Variants in CDC14B observed in about 807,000 individuals in gnomAD.
The protein encoded by CDC14B is cell division cycle 14B, also known as dual specificity protein phosphatase CDC14B.
CDC14B carries 22 observed loss-of-function variants against 64.2 expected under a neutral mutation model. The observed-to-expected ratio is 0.34, with a 90% CI of 0.24 to 0.49. The LOEUF is 0.49. Ranked by LOEUF, CDC14B falls within the 20% of genes least tolerant of loss-of-function variation. The probability of loss-of-function intolerance (pLI) is 0.99; values close to 1 mark genes in which losing one functional copy is unlikely to be tolerated. For missense variants in CDC14B, 498 were observed against 629.9 expected, an observed-to-expected ratio of 0.79 and a Z score of 2.24; for synonymous variants, 191 against 215.8, an observed-to-expected ratio of 0.89 and a Z score of 1.01.
chr9:96,580,742 T>C (rs996256089), intron 1 of CDC14B, among the ~76,000 whole-genome samples: 3 of 152,122 alleles, frequency 2.0e-5, no homozygotes, highest in Non-Finnish European at 2.9e-5. Flanking sequence ...ATGGAAATAA[T>C]TGTCATTAAT....
chr9:96,582,049 C>G (rs1272170291), intron 1 of CDC14B, among the ~76,000 whole-genome samples: 2 of 152,152 alleles, frequency 1.3e-5, no homozygotes, highest in African/African-American at 4.8e-5. Flanking sequence ...TCAGCTAGCT[C>G]TCTGCTTCTC....
chr9:96,566,791 G>C (rs1361039390), intron 1 of CDC14B: 2 of 1,607,668 alleles, frequency 1.2e-6, no homozygotes, highest in Admixed American at 1.7e-5. Context: ...GGCTACCAAA[G>C]CTGCCCCCGC....
chr9:96,561,545 C>T (rs1238453565), intron 4 of CDC14B, among the ~76,000 whole-genome samples: 1 of 152,192 alleles, frequency 6.6e-6, no homozygotes, highest in Non-Finnish European at 1.5e-5. Flanking sequence ...GTGGCGCGAT[C>T]TCCGCTCACT....
At chr9:96,537,384 A>G (rs959649371) in intron 7 of CDC14B, among the ~76,000 whole-genome samples, 14 of 152,210 alleles carry the variant, frequency 9.2e-5, no homozygotes, top group Admixed American at 8.5e-4. Flanking sequence ...CCTATGCCCC[A>G]GGCTCCTGGG....
intron 7 of CDC14B, among the ~76,000 whole-genome samples, chr9:96,536,993 T>C (rs185862650): frequency 1.1e-4 from 17 of 152,300 alleles, no homozygotes; most frequent in Non-Finnish European, 2.4e-4. Context: ...CCTATGTTTT[T>C]AAGAAATTTT....
At chr9:96,604,319 G>C (rs537041951) in intron 1 of CDC14B, among the ~76,000 whole-genome samples, 3 of 150,408 alleles carry the variant, frequency 2.0e-5, no homozygotes, top group Non-Finnish European at 4.4e-5. Flanking sequence ...ACATTTCCTT[G>C]AAAAGGCCTC....
chr9:96,582,383 G>T (rs1207347422), intron 1 of CDC14B, among the ~76,000 whole-genome samples: 1 of 152,220 alleles, frequency 6.6e-6, no homozygotes, highest in Non-Finnish European at 1.5e-5. Flanking sequence ...GTCATAGCCT[G>T]TTCCTCTTTA....
intron 1 of CDC14B, among the ~76,000 whole-genome samples, chr9:96,618,184 TC>T (rs1255862988): frequency 6.6e-6 from 1 of 152,202 alleles, no homozygotes; most frequent in Non-Finnish European, 1.5e-5. Flanking sequence ...TCTAAACACT[TC>T]CACTTAATGT....
intron 5 of CDC14B, among the ~76,000 whole-genome samples, chr9:96,544,370 G>C (rs1235800454): frequency 6.6e-6 from 1 of 151,952 alleles, no homozygotes; most frequent in East Asian, 1.9e-4. Flanking sequence ...AAACCTTAAG[G>C]GCCAAAACTA....
chr9:96,542,095 T>C (rs1183892683), intron 5 of CDC14B, among the ~76,000 whole-genome samples: 1 of 152,212 alleles, frequency 6.6e-6, no homozygotes. Flanking sequence ...ATAGGTACTG[T>C]TTTATGGGCC....
At chr9:96,557,525 C>A (rs1842647178) in intron 4 of CDC14B, among the ~76,000 whole-genome samples, 2 of 152,186 alleles carry the variant, frequency 1.3e-5, no homozygotes, top group African/African-American at 2.4e-5. Flanking sequence ...ATAATTAAAT[C>A]ATTTAAAAAG....
intron 5 of CDC14B, among the ~76,000 whole-genome samples, chr9:96,548,331 A>G (rs574837118): frequency 1.3e-5 from 2 of 152,354 alleles, no homozygotes; most frequent in Admixed American, 6.5e-5. Context: ...AGAGTATTAT[A>G]ACAGATAATA....
intron 4 of CDC14B, among the ~76,000 whole-genome samples, chr9:96,560,456 T>G (rs983646548): frequency 7.9e-5 from 12 of 152,322 alleles, no homozygotes; most frequent in Middle Eastern, 3.4e-3. Flanking sequence ...TGTCATGATT[T>G]ATGTTAATCT....
At chr9:96,508,298 G>A (rs972636481) in intron 13 of CDC14B, among the ~76,000 whole-genome samples, 2 of 152,158 alleles carry the variant, frequency 1.3e-5, no homozygotes, top group South Asian at 2.1e-4. Context: ...TTACAGGCGC[G>A]AGCCACCGCA....
Position 96,619,271 on chromosome 9 carries a change from C to T in CDC14B, c.108G>A (p.Gln36=). 7.4e-7 allele frequency: 1 copy of T among 1,359,974 alleles called. No individual in the cohort carries two copies. The highest frequency in any genetic ancestry group is 2.2e-5 in the South Asian group (1 of 45,308). The allele number at this position is 1,359,974 out of a possible 1,614,324, so 84.2% of individuals were successfully genotyped here. The change falls in exon 1 of 14, where the codon CAG becomes CAA. Residue 36 remains glutamine, a synonymous_variant. Transcript: ENST00000375241. The part of the protein sequence containing the change: ...PGVKKIRSST[Q]QDPRRRDPQD... ...GGGGGTCCCGGCGGCGCGGGTCTTG[C>T]TGCGTGGAGCTGCGGATCTTCTTCA...
chr9:96,600,303 A>T (rs1185221066), intron 1 of CDC14B, among the ~76,000 whole-genome samples: 1 of 151,738 alleles, frequency 6.6e-6, no homozygotes, highest in African/African-American at 2.4e-5. Flanking sequence ...GGAAATGAGA[A>T]ATTAAAATCT....
At chr9:96,584,978 T>C (rs1255151829) in intron 1 of CDC14B, among the ~76,000 whole-genome samples, 3 of 152,234 alleles carry the variant, frequency 2.0e-5, no homozygotes, top group African/African-American at 7.2e-5. Context: ...AATGAGTATT[T>C]TGAATACATA....
At chr9:96,583,498 G>A (rs1308756483) in intron 1 of CDC14B, among the ~76,000 whole-genome samples, 5 of 150,304 alleles carry the variant, frequency 3.3e-5, no homozygotes, top group South Asian at 2.1e-4. Context: ...CCGGGTTCAA[G>A]CGATTCTCCT....
intron 13 of CDC14B, among the ~76,000 whole-genome samples, chr9:96,493,828 A>G (rs1486986349): frequency 2.0e-5 from 3 of 152,126 alleles, no homozygotes; most frequent in Non-Finnish European, 2.9e-5. Flanking sequence ...TCATCTCTTA[A>G]AAAAAGTGCA....
Sources: allele counts gnomAD v4.1 joint callset (sites outside exome capture counted in the v4.1 genomes callset), GRCh38; gene constraint gnomAD v4.1.1; transcripts MANE v1.5; gene names NCBI Gene and HGNC (gene_info 2026-07-23, HGNC 2026-07-21).